Variants in P2RX4 observed in about 807,000 individuals in gnomAD.
P2RX4 encodes purinergic receptor P2X 4, also known as P2X purinoceptor 4.
P2RX4 carries 37 observed loss-of-function variants against 48.0 expected under a neutral mutation model. The ratio of observed to expected loss-of-function variants is 0.77; its 90% CI spans 0.59 to 1.01. The LOEUF is 1.01. P2RX4 is among the 50% of genes least tolerant of loss of function. The pLI is 0.00. For synonymous variants in P2RX4, 200 were observed against 199.7 expected, an observed-to-expected ratio of 1.00 and a Z score of -0.01; for missense variants, 501 against 521.4, an observed-to-expected ratio of 0.96 and a Z score of 0.38.
Position 121,232,753 on chromosome 12 carries a change from C to T in P2RX4, c.1044+77C>T. 1 of 1,227,590 alleles carries T rather than the reference C, an allele frequency of 8.1e-7. No homozygotes were observed. Among genetic ancestry groups the T allele is most frequent in the Non-Finnish European group, 1.2e-6 (1 of 831,426 alleles). 76.0% of individuals were successfully genotyped at this position (1,227,590 alleles called of 1,614,324 possible). On this transcript the variant is annotated intron_variant, in intron 10 of 11. Transcript: ENST00000337233. The surrounding 1 kb of genome is among the most constrained non-coding windows in gnomAD (Gnocchi z 4.3). ...CTGGGGTCCTGGTCCTGGCCCTAGG[C>T]CCTAGACCTCAGATGTGTTTCTAAA... is the stretch of plus-strand genomic sequence containing the variant.
In P2RX4 at chr12:121,233,871, C is replaced by T. The variant is rs889882530; in HGVS notation, c.*322C>T. The stretch of plus-strand genomic sequence containing the variant: ...GGAGCTGGCTTTGCTCAGAAGCCTC[C>T]TGTCTCCAGCTCTCTCCAGGACAGG... On this transcript the variant is annotated 3_prime_UTR_variant, in exon 12 of 12. Transcript: ENST00000337233. The T allele has an allele frequency of 2.7e-5, 12 of 443,540 alleles. No homozygotes were observed. The highest frequency in any genetic ancestry group is 2.2e-4 in the African/African-American group (11 of 50,186). 27.5% of individuals were successfully genotyped at this position (443,540 alleles called of 1,614,324 possible). A position where few individuals can be genotyped will look rare whatever the true frequency, so the allele number is the denominator to read the frequency against.
In P2RX4 at chr12:121,232,616, G is replaced by A. The variant is rs752623519; in HGVS notation, c.984G>A (p.Gly328=). The A allele has an allele frequency of 1.9e-6, 3 of 1,613,940 alleles. No individual in the cohort carries two copies. The African/African-American group carries it at 4.0e-5, about 22-fold the overall frequency. The part of the protein sequence containing the change: ...RFDIIVFGKA[G]KFDIIPTMIN... ...CTTTTTCGGTGTCTTGGCAGGCAGGGAAATTTGACATCATCCCCACTATGA... is the reference window on the plus strand; with the variant it reads ...CTTTTTCGGTGTCTTGGCAGGCAGGAAAATTTGACATCATCCCCACTATGA... The change falls in exon 10 of 12, where the codon GGG becomes GGA. Residue 328 remains glycine, a synonymous_variant. Coordinates refer to ENST00000337233, the MANE Select transcript of P2RX4 (RefSeq NM_002560.3). The surrounding 1 kb of genome is among the most constrained non-coding windows in gnomAD (Gnocchi z 4.3).
rs1166744577 is a variant in P2RX4 at position 121,232,808 on chromosome 12, C to T, written c.1044+132C>T. 1.1e-6 allele frequency: 1 copy of T among 911,542 alleles called. No individual in the cohort carries two copies. Among genetic ancestry groups the T allele is most frequent in the Non-Finnish European group, 1.8e-6 (1 of 554,916 alleles). The allele number at this position is 911,542 out of a possible 1,614,324, so 56.5% of individuals were successfully genotyped here. ...ACCCTCCTACCTTCTTTCCCTTGGC[C>T]CCCAGCCCTCCTCCCACCTTCCCTT... On this transcript the variant is annotated intron_variant, in intron 10 of 11. Transcript: ENST00000337233. The surrounding 1 kb of genome is among the most constrained non-coding windows in gnomAD (Gnocchi z 4.3).
In P2RX4 at chr12:121,233,051, T is replaced by TA; in HGVS notation, c.1100dup (p.Tyr367Ter). The change falls in exon 11 of 12, where the codon TAT becomes TAAT. Residue 367 changes from tyrosine to a stop codon, truncating the protein, a stop_gained and frameshift_variant. Coordinates refer to ENST00000337233, the MANE Select transcript of P2RX4 (RefSeq NM_002560.3). LOFTEE classifies it high-confidence loss of function. ...VLYCMKKRLYYREKKYKYVED... is the reference protein window; with the variant it reads ...VLYCMKKRLY ...CTACTGCATGAAGAAAAGACTCTACTATCGGGAGAAGAAATATAAATATGT... is the reference window on the plus strand; with the variant it reads ...CTACTGCATGAAGAAAAGACTCTACTAATCGGGAGAAGAAATATAAATATGT... 2 of 1,613,604 alleles carry TA rather than the reference T, an allele frequency of 1.2e-6. No individual in the cohort carries two copies. The highest frequency in any genetic ancestry group is 1.7e-6 in the Non-Finnish European group (2 of 1,179,690).
At chr12:121,225,891 CT>C (rs999138306) in intron 5 of P2RX4, among the ~76,000 whole-genome samples, 4 of 151,042 alleles carry the variant, frequency 2.6e-5, no homozygotes, top group African/African-American at 7.3e-5. Context: ...TCATAAGATA[CT>C]TTTTTTTTGA....
chr12:121,231,635 A>G (rs1329616792), intron 8 of P2RX4, among the ~76,000 whole-genome samples: 6 of 152,076 alleles, frequency 3.9e-5, no homozygotes, highest in Non-Finnish European at 7.4e-5. Flanking sequence ...TTTTATGGCC[A>G]AATCATATTC....
intron 2 of P2RX4, among the ~76,000 whole-genome samples, chr12:121,219,233 C>T (rs563875733): frequency 4.1e-4 from 62 of 152,286 alleles, no homozygotes; most frequent in Admixed American, 3.7e-3. Context: ...GTGGCCTTCT[C>T]CTTGTCTCCC....
intron 5 of P2RX4, 75 bp downstream of exon 5, chr12:121,223,118 G>A: frequency 2.1e-6 from 2 of 940,300 alleles, no homozygotes; most frequent in Non-Finnish European, 3.4e-6. Flanking sequence ...CTGTATCCCA[G>A]GTTGGAGTGC....
Position 121,221,286 on chromosome 12 carries a change from G to A in P2RX4, c.283-627G>A, listed in dbSNP as rs188192128. Among the ~76,000 whole-genome samples the A allele has an allele frequency of 2.1e-3, 325 of 151,994 alleles. 1 individual carries two copies. Among genetic ancestry groups the A allele is most frequent in the Non-Finnish European group, 3.0e-3 (201 of 67,986 alleles). The stretch of plus-strand genomic sequence containing the variant: ...TCCTGCCTCAGCCTCCCAAAGTGCT[G>A]GAATTACAGGTGTGAGCCACCATGC... On this transcript the variant is annotated intron_variant, in intron 2 of 11. Coordinates refer to ENST00000337233, the MANE Select transcript of P2RX4 (RefSeq NM_002560.3).
chr12:121,216,801 C>T (rs1886251786), intron 1 of P2RX4: 1 of 594,172 alleles, frequency 1.7e-6, no homozygotes, highest in East Asian at 2.9e-5. Context: ...GCTTAGGCAA[C>T]AAGAGCGAAA....
rs1440828684 is a variant in P2RX4, at chr12:121,232,423, G to A, written c.894G>A (p.Lys298=). 1 of 1,613,282 alleles carries A rather than the reference G, an allele frequency of 6.2e-7. No homozygotes were observed. Among genetic ancestry groups the A allele is most frequent in the South Asian group, 1.1e-5 (1 of 91,062 alleles). Residue 298 remains lysine, a synonymous_variant, in exon 9 of 12, where the codon AAG becomes AAA. Transcript: ENST00000337233. The surrounding 1 kb of genome is among the most constrained non-coding windows in gnomAD (Gnocchi z 4.3). ...TCCTCCTTCCCCTCAGGTTTGCCAA[G>A]TACTACAGAGACCTGGCTGGCAACG... is the stretch of plus-strand genomic sequence containing the variant. ...VSPGYNFRFA[K]YYRDLAGNEQ... is the part of the protein sequence containing the mutation.
In P2RX4 at chr12:121,232,307, C is replaced by T. The variant is rs978793014; in HGVS notation, c.885-107C>T. The stretch of plus-strand genomic sequence containing the variant: ...CGAGCCGCTCCAGCGTCCATTCAGC[C>T]GGCAGAGTGGACCATTCACCTGTGC... On this transcript the variant is annotated intron_variant, in intron 8 of 11. Coordinates refer to ENST00000337233, the MANE Select transcript of P2RX4 (RefSeq NM_002560.3). This position sits in a 1 kb window ranked among gnomAD's most constrained non-coding sequence, Gnocchi z 4.3. 11 of 804,906 alleles carry T rather than the reference C, an allele frequency of 1.4e-5. No homozygotes were observed. Among genetic ancestry groups the T allele is most frequent in the African/African-American group, 6.7e-5 (4 of 59,380 alleles). 49.9% of individuals were successfully genotyped at this position (804,906 alleles called of 1,614,324 possible). A position where few individuals can be genotyped will look rare whatever the true frequency, so the allele number is the denominator to read the frequency against.
rs541315733 is a variant in P2RX4, at chr12:121,232,454, C to G, written c.925C>G (p.Arg309Gly). 6.2e-7 allele frequency: 1 copy of G among 1,614,122 alleles called. No individual in the cohort carries two copies. The highest frequency in any genetic ancestry group is 8.5e-7 in the Non-Finnish European group (1 of 1,179,972). The change falls in exon 9 of 12, where the codon CGC (arginine) becomes GGC (glycine). Residue 309 changes from arginine (R) to glycine (G), a missense_variant. Coordinates refer to ENST00000337233, the MANE Select transcript of P2RX4 (RefSeq NM_002560.3). The surrounding 1 kb of genome is among the most constrained non-coding windows in gnomAD (Gnocchi z 4.3). ...CAGAGACCTGGCTGGCAACGAGCAGCGCACGCTCATCAAGGCCTATGGCAT... is the reference window on the plus strand; with the variant it reads ...CAGAGACCTGGCTGGCAACGAGCAGGGCACGCTCATCAAGGCCTATGGCAT... Reference protein sequence around the residue: ...YYRDLAGNEQRTLIKAYGIRF... With the variant: ...YYRDLAGNEQGTLIKAYGIRF...
intron 1 of P2RX4, among the ~76,000 whole-genome samples, chr12:121,211,123 C>T (rs1188610912): frequency 6.6e-6 from 1 of 152,164 alleles, no homozygotes; most frequent in Non-Finnish European, 1.5e-5. Flanking sequence ...CCCATGCTGC[C>T]CCCTTAGGCT....
intron 5 of P2RX4, 156 bp downstream of exon 5, chr12:121,223,199 C>G (rs1566005304): frequency 4.9e-6 from 3 of 616,942 alleles, no homozygotes; most frequent in East Asian, 2.8e-5. Flanking sequence ...CTCAGCCTCC[C>G]GAGTAGCTGA....
chr12:121,213,310 C>A (rs1295481229), intron 1 of P2RX4: 2 of 152,092 alleles, frequency 1.3e-5, no homozygotes, highest in Non-Finnish European at 1.5e-5. Flanking sequence ...CGCCTATAGG[C>A]CTACCTATTT....
chr12:121,211,331 T>C (rs1885828967), intron 1 of P2RX4, among the ~76,000 whole-genome samples: 1 of 151,900 alleles, frequency 6.6e-6, no homozygotes, highest in South Asian at 2.1e-4. Context: ...GTCTCCTGAG[T>C]GGCTGGGATT....
intron 1 of P2RX4, chr12:121,214,330 C>A (rs1886082286): frequency 6.6e-6 from 1 of 151,942 alleles, no homozygotes; most frequent in Non-Finnish European, 1.5e-5. Flanking sequence ...TTTTGTCCGT[C>A]TTGCTATAAT....
chr12:121,218,969 G>T (rs901010276), intron 2 of P2RX4, among the ~76,000 whole-genome samples: 1 of 152,142 alleles, frequency 6.6e-6, no homozygotes. Context: ...AGGCTGAAGT[G>T]AACTGTGATC....
Sources: gnomAD v4.1 joint callset for allele counts (sites outside exome capture counted in the v4.1 genomes callset) on GRCh38, gnomAD v4.1.1 for gene constraint, Gnocchi (gnomAD v3.1) non-coding constraint, MANE v1.5 for transcripts, NCBI Gene and HGNC (gene_info 2026-07-23, HGNC 2026-07-21) for gene names.